The following RALGAPA1 variants were observed in gnomAD, a reference collection of about 807,000 sequenced individuals.
The protein encoded by RALGAPA1 is ral GTPase-activating protein subunit alpha-1.
A neutral mutation model predicts 269.6 loss-of-function variants in RALGAPA1; 52 were observed. That is an observed-to-expected ratio of 0.19 (90% CI 0.15 to 0.24). The LOEUF (loss-of-function observed/expected upper bound fraction) is 0.24, where lower values mean the gene tolerates loss of function less well. RALGAPA1 is among the 10% of genes least tolerant of loss of function. The pLI is 1.00. For missense variants in RALGAPA1, 1,917 were observed against 3,013.9 expected (o/e 0.64, Z 8.52); for synonymous variants, 817 against 1,008.3 (o/e 0.81, Z 3.60).
chr14:35,650,380 T>G (rs1221958733), intron 31 of RALGAPA1, among the ~76,000 whole-genome samples: 1 of 151,566 alleles, frequency 6.6e-6, no homozygotes, highest in African/African-American at 2.4e-5. Context: ...GTGAGATGAC[T>G]CCGCCTCAAA....
intron 35 of RALGAPA1, among the ~76,000 whole-genome samples, chr14:35,606,411 A>G (rs962002346): frequency 2.0e-5 from 3 of 152,192 alleles, no homozygotes; most frequent in Non-Finnish European, 4.4e-5. Flanking sequence ...GTGTGTGTAA[A>G]TACACCTAAA....
At chr14:35,732,250 A>C (rs540392271) in intron 12 of RALGAPA1, among the ~76,000 whole-genome samples, 3 of 152,196 alleles carry the variant, frequency 2.0e-5, no homozygotes, top group Non-Finnish European at 4.4e-5. Flanking sequence ...TAAATCTTGA[A>C]ACCATCCTAG....
chr14:35,651,755 A>G (rs768268051), intron 31 of RALGAPA1, 50 bp downstream of exon 31: 89 of 1,489,784 alleles, frequency 6.0e-5, no homozygotes, highest in South Asian at 3.9e-4. Context: ...TGAAATGCAA[A>G]TATTTTACTA....
intron 7 of RALGAPA1, among the ~76,000 whole-genome samples, chr14:35,756,052 A>G (rs560793187): frequency 1.3e-5 from 2 of 152,226 alleles, no homozygotes; most frequent in African/African-American, 2.4e-5. Flanking sequence ...CCTGCAGCCT[A>G]CCTCCCTAGT....
At chr14:35,545,694 G>A (rs1418537539) in intron 41 of RALGAPA1, among the ~76,000 whole-genome samples, 2 of 151,940 alleles carry the variant, frequency 1.3e-5, no homozygotes, top group Non-Finnish European at 2.9e-5. Context: ...AATTGAGAAA[G>A]TTAAACCAAT....
intron 2 of RALGAPA1, 46 bp from the exon 3 acceptor site, chr14:35,775,101 C>T (rs978859795): frequency 8.4e-6 from 9 of 1,070,698 alleles, no homozygotes; most frequent in African/African-American, 4.8e-5. Flanking sequence ...TCATTTTGTC[C>T]TCATAATGAA....
chr14:35,657,352 C>A (rs1431551009), intron 28 of RALGAPA1, among the ~76,000 whole-genome samples: 7 of 151,692 alleles, frequency 4.6e-5, no homozygotes, highest in African/African-American at 1.7e-4. Context: ...CGACACCTGG[C>A]TAATTTTTTG....
chr14:35,789,023 T>A (rs1409847313), intron 1 of RALGAPA1, among the ~76,000 whole-genome samples: 1 of 152,078 alleles, frequency 6.6e-6, no homozygotes, highest in Non-Finnish European at 1.5e-5. Flanking sequence ...AAGATACACA[T>A]CTGCCCTCAG....
chr14:35,588,333 C>T (rs1342678960), intron 37 of RALGAPA1, among the ~76,000 whole-genome samples: 1 of 152,088 alleles, frequency 6.6e-6, no homozygotes, highest in African/African-American at 2.4e-5. Context: ...TAATTAAGGG[C>T]CCTTGTGACT....
At chr14:35,709,653 T>C (rs1057463307) in intron 16 of RALGAPA1, among the ~76,000 whole-genome samples, 3 of 152,130 alleles carry the variant, frequency 2.0e-5, no homozygotes, top group African/African-American at 7.2e-5. Context: ...AGATTACTGG[T>C]TTTAGATCTT....
At chr14:35,601,485 G>C (rs2059288413) in intron 36 of RALGAPA1, among the ~76,000 whole-genome samples, 1 of 152,230 alleles carries the variant, frequency 6.6e-6, no homozygotes, top group South Asian at 2.1e-4. Context: ...AATTGTCTGT[G>C]GTGTTTGGCT....
chr14:35,769,770 T>C (rs2074478890), intron 4 of RALGAPA1, among the ~76,000 whole-genome samples: 1 of 152,146 alleles, frequency 6.6e-6, no homozygotes, highest in Non-Finnish European at 1.5e-5. Context: ...CAGAGAGATA[T>C]ATAAAATCTG....
intron 1 of RALGAPA1, among the ~76,000 whole-genome samples, chr14:35,792,301 C>T (rs1011226542): frequency 1.3e-5 from 2 of 152,024 alleles, no homozygotes; most frequent in Non-Finnish European, 2.9e-5. Context: ...GGATTACAGG[C>T]GCCTGCCACC....
chr14:35,603,016 T>C (rs1205916846), intron 36 of RALGAPA1, among the ~76,000 whole-genome samples: 3 of 152,180 alleles, frequency 2.0e-5, no homozygotes, highest in South Asian at 4.1e-4. Context: ...CATTGGATGG[T>C]TGTGGCACCC....
intron 1 of RALGAPA1, among the ~76,000 whole-genome samples, chr14:35,788,510 C>T (rs2075951892): frequency 6.6e-6 from 1 of 152,080 alleles, no homozygotes; most frequent in Admixed American, 6.6e-5. Flanking sequence ...TGAAGCCAGG[C>T]ACAGTGGCTC....
chr14:35,571,831 C>T (rs1304376260), intron 38 of RALGAPA1, among the ~76,000 whole-genome samples: 1 of 152,166 alleles, frequency 6.6e-6, no homozygotes, highest in South Asian at 2.1e-4. Context: ...AGTCTGCTGG[C>T]CTCTGGTTTA....
chr14:35,667,472 CT>C (rs2064041650), intron 26 of RALGAPA1, among the ~76,000 whole-genome samples: 1 of 152,160 alleles, frequency 6.6e-6, no homozygotes, highest in South Asian at 2.1e-4. Flanking sequence ...CATTCAAGGC[CT>C]TTCCAAAACG....
Position 35,715,843 on chromosome 14 carries a change from C to T in RALGAPA1, c.2266+5845G>A, listed in dbSNP as rs2068770294. The T allele has an allele frequency of 3.0e-6, 3 of 985,286 alleles. No homozygotes were observed. The African/African-American group carries it at 5.2e-5, about 17-fold the overall frequency. 61.0% of individuals were successfully genotyped at this position (985,286 alleles called of 1,614,324 possible). A position where few individuals can be genotyped will look rare whatever the true frequency, so the allele number is the denominator to read the frequency against. The stretch of plus-strand genomic sequence containing the variant: ...TATCAGCAATTTGCTTCAAGATCAT[C>T]CCACTTTTCCAGTGTGCTTACTGCT... On this transcript the variant is annotated intron_variant, in intron 16 of 41. Transcript: ENST00000680220.
At chr14:35,722,609 CT>C (rs1170916096) in intron 15 of RALGAPA1, among the ~76,000 whole-genome samples, 1 of 148,530 alleles carries the variant, frequency 6.7e-6, no homozygotes, top group African/African-American at 2.5e-5. Flanking sequence ...GAGGCCCTGT[CT>C]CAGAAAAAAA....
Sources: allele counts gnomAD v4.1 joint callset (sites outside exome capture counted in the v4.1 genomes callset), GRCh38; gene constraint gnomAD v4.1.1; transcripts MANE v1.5; gene names NCBI Gene and HGNC (gene_info 2026-07-23, HGNC 2026-07-21).